Variants in NPHP3 observed in about 807,000 individuals in gnomAD.
NPHP3 encodes the protein nephrocystin 3.
In NPHP3, 123 loss-of-function variants were observed where a neutral mutation model predicts 171.9. That is an observed-to-expected ratio of 0.72 (90% CI 0.62 to 0.83). The LOEUF is 0.83. Ranked by LOEUF, NPHP3 falls within the 40% of genes least tolerant of loss-of-function variation. The pLI, the probability that NPHP3 is intolerant of heterozygous loss-of-function variation, is 0.00. For missense variants in NPHP3, 1,506 were observed against 1,591.9 expected (o/e 0.95, Z 0.92); for synonymous variants, 558 against 579.2 (o/e 0.96, Z 0.52).
intron 19 of NPHP3, among the ~76,000 whole-genome samples, chr3:132,689,664 A>G (rs78066950): frequency 6.0e-4 from 92 of 152,326 alleles, no homozygotes; most frequent in African/African-American, 2.1e-3. Context: ...TTCACTCCCA[A>G]AATTATTTTA....
chr3:132,687,939 T>C (rs1939203339), intron 21 of NPHP3, among the ~76,000 whole-genome samples: 1 of 152,186 alleles, frequency 6.6e-6, no homozygotes, highest in Admixed American at 6.5e-5. Flanking sequence ...GAAGCAACCA[T>C]GGATAATATA....
chr3:132,714,843 T>C (rs1219076945), intron 5 of NPHP3, among the ~76,000 whole-genome samples: 1 of 152,220 alleles, frequency 6.6e-6, no homozygotes, highest in African/African-American at 2.4e-5. Flanking sequence ...TCTTAGCTCC[T>C]GTCCTAGGAA....
intron 1 of NPHP3, among the ~76,000 whole-genome samples, chr3:132,720,398 A>T (rs953128216): frequency 1.3e-5 from 2 of 152,088 alleles, no homozygotes; most frequent in Non-Finnish European, 2.9e-5. Context: ...ACACTTGCCA[A>T]CCCTTATTGC....
chr3:132,696,638 G>T, intron 15 of NPHP3, 93 bp downstream of exon 15: 1 of 1,057,852 alleles, frequency 9.5e-7, no homozygotes, highest in Non-Finnish European at 1.5e-6. Context: ...CAACAGACTG[G>T]TGTAGTGATC....
At chr3:132,707,592 C>T (rs559453996) in intron 7 of NPHP3, among the ~76,000 whole-genome samples, 1 of 152,330 alleles carries the variant, frequency 6.6e-6, no homozygotes, top group Middle Eastern at 3.4e-3. Flanking sequence ...TAGCCACACA[C>T]TGCGATTTAT....
intron 13 of NPHP3, 39 bp from the exon 14 acceptor site, chr3:132,697,401 A>G (rs969916753): frequency 1.6e-6 from 2 of 1,289,514 alleles, no homozygotes; most frequent in African/African-American, 1.5e-5. Flanking sequence ...TTTTAATAAT[A>G]CAACAAGAAC....
Position 132,681,605 on chromosome 3 carries a change from C to T in NPHP3, c.*305G>A. On this transcript the variant is annotated 3_prime_UTR_variant, in exon 27 of 27. Transcript: ENST00000337331. ...ATTTTTGAACTCCTTGTCTTAACTA[C>T]TCTGCCAGCTCTTGTTGAACAAAGA... is the stretch of plus-strand genomic sequence containing the variant. 1 of 346,662 alleles carries T rather than the reference C, an allele frequency of 2.9e-6. No individual in the cohort carries two copies. 21.5% of individuals were successfully genotyped at this position (346,662 alleles called of 1,614,324 possible). A position where few individuals can be genotyped will look rare whatever the true frequency, so the allele number is the denominator to read the frequency against.
intron 10 of NPHP3, among the ~76,000 whole-genome samples, chr3:132,700,972 A>G (rs910035804): frequency 6.6e-6 from 1 of 152,204 alleles, no homozygotes; most frequent in Non-Finnish European, 1.5e-5. Context: ...ACTAGATTGC[A>G]TTCATGGTGA....
chr3:132,714,297 A>G (rs1429402638), intron 5 of NPHP3, among the ~76,000 whole-genome samples: 1 of 152,160 alleles, frequency 6.6e-6, no homozygotes, highest in African/African-American at 2.4e-5. Flanking sequence ...TCTCTGGGCC[A>G]TTTAAAACAG....
At chr3:132,708,352 A>G (rs1382761514) in intron 6 of NPHP3, 95 bp from the exon 7 acceptor site, 1 of 1,238,406 alleles carries the variant, frequency 8.1e-7, no homozygotes, top group South Asian at 1.2e-5. Context: ...GTTTTACTAC[A>G]GTGACAAGTG....
chr3:132,699,497 A>G, intron 12 of NPHP3, 47 bp from the exon 13 acceptor site: 1 of 1,244,652 alleles, frequency 8.0e-7, no homozygotes, highest in Non-Finnish European at 1.2e-6. Flanking sequence ...AAAATATTTC[A>G]AAACAATCCA....
At chr3:132,687,941 G>T (rs1389141568) in intron 21 of NPHP3, among the ~76,000 whole-genome samples, 1 of 152,172 alleles carries the variant, frequency 6.6e-6, no homozygotes, top group Non-Finnish European at 1.5e-5. Context: ...AGCAACCATG[G>T]ATAATATATA....
At position 132,722,272 on chromosome 3, in the gene NPHP3, G is replaced by A; in HGVS notation, c.84C>T (p.Cys28=). Residue 28 remains cysteine (C), a synonymous_variant, in exon 1 of 27, where the codon TGC becomes TGT. Transcript: ENST00000337331. ...DTYGAGGGEA[C]EIPVEVKPKA... ...TGGGCTTCACCTCCACCGGGATCTC[G>A]CAGGCCTCGCCGCCGCCCGCCCCGT... 2 of 1,577,008 alleles carry A rather than the reference G, an allele frequency of 1.3e-6. No homozygotes were observed. The highest frequency in any genetic ancestry group is 1.7e-6 in the Non-Finnish European group (2 of 1,170,668).
chr3:132,684,552 ACC>A lies in NPHP3; in HGVS notation c.3570_3570+1del. 6.2e-7 allele frequency: 1 copy of A among 1,613,882 alleles called. No homozygotes were observed. The highest frequency in any genetic ancestry group is 1.7e-5 in the Admixed American group (1 of 60,028). Reference sequence around the variant, plus strand: ...CATGTAAGAATGTCAAAGCTTACTTACCATTTTCTTATACAAGATGGCAAGAT... The same window carrying A: ...CATGTAAGAATGTCAAAGCTTACTTAATTTTCTTATACAAGATGGCAAGAT... On this transcript the variant is annotated splice_donor_variant and coding_sequence_variant, in exon 24 of 27. Coordinates refer to ENST00000337331, the MANE Select transcript of NPHP3 (RefSeq NM_153240.5). LOFTEE classifies it high-confidence loss of function.
chr3:132,712,722 C>T (rs911020028), intron 6 of NPHP3, among the ~76,000 whole-genome samples: 2 of 151,574 alleles, frequency 1.3e-5, no homozygotes, highest in African/African-American at 4.8e-5. Context: ...GCCGAGATTG[C>T]GCCACTGCAC....
rs1939155422 is a variant in NPHP3 at position 132,686,115 on chromosome 3, A to G, written c.3329+145T>C. 3.9e-5 allele frequency: 30 copies of G among 769,218 alleles called. No homozygotes were observed. In the South Asian group the frequency reaches 4.5e-4, roughly 12 times the overall value. 47.6% of individuals were successfully genotyped at this position (769,218 alleles called of 1,614,324 possible). On this transcript the variant is annotated intron_variant, in intron 23 of 26. Transcript: ENST00000337331. Reference sequence around the variant, plus strand: ...AATGCCATGGTCTTTAGGTATGTGTATGCTCATTATATAACATCATACATG... The same window carrying G: ...AATGCCATGGTCTTTAGGTATGTGTGTGCTCATTATATAACATCATACATG...
chr3:132,692,224 A>C (rs1939317214), intron 17 of NPHP3, among the ~76,000 whole-genome samples: 1 of 152,218 alleles, frequency 6.6e-6, no homozygotes, highest in Non-Finnish European at 1.5e-5. Flanking sequence ...GATTTGTGTA[A>C]GTACGCTCTA....
chr3:132,712,640 C>G (rs750734259), intron 6 of NPHP3, among the ~76,000 whole-genome samples: 4 of 152,100 alleles, frequency 2.6e-5, no homozygotes, highest in Non-Finnish European at 5.9e-5. Context: ...GTGGTGGGCG[C>G]CTATAGTCCC....
chr3:132,711,894 C>A (rs1045408294), intron 6 of NPHP3, among the ~76,000 whole-genome samples: 1 of 152,172 alleles, frequency 6.6e-6, no homozygotes, highest in Non-Finnish European at 1.5e-5. Flanking sequence ...TTCACCCGGC[C>A]ACTAGGCAAA....
Sources: gnomAD v4.1 joint callset for allele counts (sites outside exome capture counted in the v4.1 genomes callset) on GRCh38, gnomAD v4.1.1 for gene constraint, MANE v1.5 for transcripts, NCBI Gene and HGNC (gene_info 2026-07-23, HGNC 2026-07-21) for gene names.